NEB: variants seen among roughly 807,000 people sequenced by gnomAD.
The protein encoded by NEB is nemaline myopathy type 2.
Under a neutral mutation model 952.2 loss-of-function variants are expected in NEB, and 512 were observed. The ratio of observed to expected loss-of-function variants is 0.54; its 90% CI spans 0.50 to 0.58. NEB has a LOEUF of 0.58. Ranked by LOEUF, NEB falls within the 20% of genes least tolerant of loss-of-function variation. The pLI is 0.00. For synonymous variants in NEB, 2,900 were observed against 3,149.8 expected, an observed-to-expected ratio of 0.92 and a Z score of 2.66; for missense variants, 8,428 against 9,231.1, an observed-to-expected ratio of 0.91 and a Z score of 3.56.
At position 151,650,391 on chromosome 2, in the gene NEB, CAG is replaced by C; in HGVS notation, c.7228-14_7228-13del. 6.2e-7 allele frequency: 1 copy of C among 1,610,564 alleles called. No individual in the cohort carries two copies. The highest frequency in any genetic ancestry group is 1.1e-5 in the South Asian group (1 of 91,012). The stretch of plus-strand genomic sequence containing the variant: ...GATTTATATAGATTCTGTGAAAAGA[CAG>C]AGCAAGCCATCAAAATCCCATTCTC... On this transcript the variant is annotated splice_polypyrimidine_tract_variant and intron_variant, in intron 53 of 181. Transcript: ENST00000397345.
At chr2:151,643,438 T>A (rs2098913366) in intron 57 of NEB, 85 bp from the exon 58 acceptor site, 1 of 1,190,664 alleles carries the variant, frequency 8.4e-7, no homozygotes, top group Non-Finnish European at 1.2e-6. Flanking sequence ...CATTTGCCCC[T>A]AAATAAAAGT....
intron 105 of NEB, among the ~76,000 whole-genome samples, chr2:151,577,733 C>T (rs1460373308): frequency 6.6e-6 from 1 of 152,136 alleles, no homozygotes; most frequent in Non-Finnish European, 1.5e-5. Flanking sequence ...CACATGCCAC[C>T]ACGCCAGGCT....
In NEB at chr2:151,670,668, A is replaced by G. The variant is rs1448599396; in HGVS notation, c.4506+355T>C. Among the ~76,000 whole-genome samples, 5 of 152,244 alleles carry G rather than the reference A, an allele frequency of 3.3e-5. 1 individual carries two copies. Among genetic ancestry groups the G allele is most frequent in the Non-Finnish European group, 7.3e-5 (5 of 68,042 alleles). The stretch of plus-strand genomic sequence containing the variant: ...CCTCTTCCCTATGTGGCTAGGTAGA[A>G]ATATTGCAACCAAGAGCAATAAATA... On this transcript the variant is annotated intron_variant, in intron 38 of 181. Coordinates refer to ENST00000397345, the MANE Select transcript of NEB (RefSeq NM_001164508.2).
chr2:151,542,638 G>C (rs1183481492), intron 135 of NEB, among the ~76,000 whole-genome samples: 6 of 151,976 alleles, frequency 3.9e-5, no homozygotes, highest in African/African-American at 1.5e-4. Context: ...TGATATTCCT[G>C]AAATCTGATT....
rs765772951 is a variant in NEB, at chr2:151,679,706, C to T, written c.3255+15G>A. On this transcript the variant is annotated intron_variant, in intron 32 of 181. Coordinates refer to ENST00000397345, the MANE Select transcript of NEB (RefSeq NM_001164508.2). ...CATTTTCTAGTTGCCCATGTATGAC[C>T]ACAGCTGGACTTACGTCACTCGCCG... 1 of 1,242,212 alleles carries T rather than the reference C, an allele frequency of 8.1e-7. No individual in the cohort carries two copies. The highest frequency in any genetic ancestry group is 1.1e-6 in the Non-Finnish European group (1 of 901,326). The allele number at this position is 1,242,212 out of a possible 1,614,324, so 76.9% of individuals were successfully genotyped here. A position where few individuals can be genotyped will look rare whatever the true frequency, so the allele number is the denominator to read the frequency against.
chr2:151,630,868 GACAAAAAGTTC>G, intron 66 of NEB, 49 bp from the exon 67 acceptor site: 1 of 1,460,984 alleles, frequency 6.8e-7, no homozygotes, highest in Non-Finnish European at 9.2e-7. Context: ...AAATAGAAAT[GACAAAAAGTTC>G]ATTTAAAACT....
At chr2:151,628,791 G>A (rs2098593715) in intron 68 of NEB, among the ~76,000 whole-genome samples, 1 of 152,144 alleles carries the variant, frequency 6.6e-6, no homozygotes, top group Non-Finnish European at 1.5e-5. Context: ...GAACCCGGGA[G>A]GCGGAGGTTG....
Position 151,546,364 on chromosome 2 carries a change from C to G in NEB, c.20447G>C (p.Arg6816Pro), listed in dbSNP as rs199875722. ...LYDTPDMVRS[R>P]HLRKLWSNYL... is the part of the protein sequence containing the mutation. ...ACTCACCCAGAGCTTCCGCAGGTGC[C>G]GGGAGCGGACCATGTCAGGAGTGTC... is the stretch of plus-strand genomic sequence containing the variant. The change falls in exon 134 of 182, where the codon CGG becomes CCG. Residue 6816 changes from arginine to proline, a missense_variant. Around this residue, in one of 11 missense-constraint regions of NEB, gnomAD observed 3,374 missense variants for 3,651.5 expected, o/e 0.92. Transcript: ENST00000397345. 5 of 1,612,460 alleles carry G rather than the reference C, an allele frequency of 3.1e-6. No individual in the cohort carries two copies. Among genetic ancestry groups the G allele is most frequent in the East Asian group, 4.5e-5 (2 of 44,850 alleles).
chr2:151,488,895 C>T (rs1207859222), intron 181 of NEB, among the ~76,000 whole-genome samples: 1 of 151,932 alleles, frequency 6.6e-6, no homozygotes. Flanking sequence ...CATGCTAAAT[C>T]GATATTTTGT....
intron 129 of NEB, among the ~76,000 whole-genome samples, chr2:151,549,986 G>T (rs1348776780): frequency 6.6e-6 from 1 of 152,132 alleles, no homozygotes. Context: ...AGTAGTTCCT[G>T]GCCAGGTGTG....
rs1052443126 is a variant in NEB, at chr2:151,561,004, A to G, written c.19206T>C (p.Ser6402=). The G allele has an allele frequency of 6.3e-7, 1 of 1,590,232 alleles. No homozygotes were observed. The highest frequency in any genetic ancestry group is 2.2e-5 in the East Asian group (1 of 44,696). Residue 6402 remains serine, a splice_region_variant and synonymous_variant, in exon 123 of 182, where the codon AGT becomes AGC. Coordinates refer to ENST00000397345, the MANE Select transcript of NEB (RefSeq NM_001164508.2). ...AAGGGGGAAAAAAAACTCAACTCAC[A>G]CTGCTGTAAAGATTCTTCAGGTTTC... ...RTRNLKNLYS[S]NLYKEAWDRV...
Position 151,696,624 on chromosome 2 carries a change from T to C in NEB, c.1569+13A>G. 1 of 1,596,912 alleles carries C rather than the reference T, an allele frequency of 6.3e-7. No homozygotes were observed. Among genetic ancestry groups the C allele is most frequent in the Admixed American group, 1.7e-5 (1 of 59,992 alleles). ...CTCATAATTGGGTGTCCTGAGTAGTTAGAGGAACTTACGTCACTCAGTTGT... is the reference window on the plus strand; with the variant it reads ...CTCATAATTGGGTGTCCTGAGTAGTCAGAGGAACTTACGTCACTCAGTTGT... On this transcript the variant is annotated intron_variant, in intron 17 of 181. Transcript: ENST00000397345.
chr2:151,670,928 A>T, intron 38 of NEB, 95 bp downstream of exon 38: 1 of 1,283,242 alleles, frequency 7.8e-7, no homozygotes, highest in Non-Finnish European at 1.1e-6. Flanking sequence ...GCTAACATAG[A>T]TGCATCCTCA....
intron 63 of NEB, among the ~76,000 whole-genome samples, chr2:151,638,730 G>A (rs563488101): frequency 1.2e-4 from 19 of 152,214 alleles, no homozygotes; most frequent in African/African-American, 4.3e-4. Context: ...TGGAATGATG[G>A]CACGTGGCCC....
chr2:151,501,362 A>G, intron 168 of NEB, 29 bp downstream of exon 168: 1 of 1,353,040 alleles, frequency 7.4e-7, no homozygotes, highest in Non-Finnish European at 1.0e-6. Context: ...ATTTTTTAAT[A>G]TGGAGTTAAA....
At chr2:151,623,644 G>A (rs577598374) in intron 71 of NEB, among the ~76,000 whole-genome samples, 33 of 152,148 alleles carry the variant, frequency 2.2e-4, no homozygotes, top group Non-Finnish European at 4.3e-4. Flanking sequence ...GTCTTTTCAA[G>A]ATGAGATTTT....
intron 165 of NEB, among the ~76,000 whole-genome samples, chr2:151,504,220 C>G (rs1044478402): frequency 1.3e-5 from 2 of 152,036 alleles, no homozygotes; most frequent in Non-Finnish European, 2.9e-5. Flanking sequence ...AGCAACGTAC[C>G]CAGATTTTAA....
At position 151,552,653 on chromosome 2, in the gene NEB, T is replaced by G; in HGVS notation, c.19836+19A>C. The G allele has an allele frequency of 1.3e-6, 2 of 1,579,140 alleles. No individual in the cohort carries two copies. The highest frequency in any genetic ancestry group is 1.7e-6 in the Non-Finnish European group (2 of 1,150,374). On this transcript the variant is annotated intron_variant, in intron 128 of 181. Coordinates refer to ENST00000397345, the MANE Select transcript of NEB (RefSeq NM_001164508.2). ...CCTGCTTTATTACTGTCCACTTAAC[T>G]TCCCCAGTGATCACTTACGTCACTT...
chr2:151,723,750 GTTTTTTTT>G (rs11308757), intron 8 of NEB, among the ~76,000 whole-genome samples: 57 of 51,382 alleles, frequency 1.1e-3, no homozygotes, highest in Middle Eastern at 0.021. Flanking sequence ...TGCCTTCTTT[GTTTTTTTT>G]TTTTTTTTTT....
Sources: gnomAD v4.1 joint callset for allele counts (sites outside exome capture counted in the v4.1 genomes callset) on GRCh38, gnomAD v4.1.1 for gene constraint, gnomAD v4.1.1 regional missense constraint, MANE v1.5 for transcripts, NCBI Gene and HGNC (gene_info 2026-07-23, HGNC 2026-07-21) for gene names.